TRPV2: variants seen among roughly 807,000 people sequenced by gnomAD.
The protein encoded by TRPV2 is transient receptor potential cation channel subfamily V member 2.
TRPV2 carries 58 observed loss-of-function variants against 91.0 expected under a neutral mutation model. The ratio of observed to expected loss-of-function variants is 0.64; its 90% CI spans 0.52 to 0.79. The LOEUF (loss-of-function observed/expected upper bound fraction) is 0.79, where lower values mean the gene tolerates loss of function less well. TRPV2 is among the 30% of genes least tolerant of loss of function. The probability of loss-of-function intolerance (pLI) is 0.00; values close to 1 mark genes in which losing one functional copy is unlikely to be tolerated. For missense variants in TRPV2, 807 were observed against 969.6 expected (o/e 0.83, Z 2.23); for synonymous variants, 417 against 414.8 (o/e 1.01, Z -0.06).
In TRPV2 at chr17:16,432,047, A is replaced by G. The variant is rs2093415488; in HGVS notation, c.1736A>G (p.Glu579Gly). 6.2e-7 allele frequency: 1 copy of G among 1,613,660 alleles called. No individual in the cohort carries two copies. The highest frequency in any genetic ancestry group is 1.3e-5 in the African/African-American group (1 of 75,020). ...GCCACAGAGTCAGTGCAGCCCATGG[A>G]GGGACAGGAGGACGAGGGCAACGGG... ...PNATESVQPM[E>G]GQEDEGNGAQ... Residue 579 changes from glutamate to glycine, a missense_variant, in exon 12 of 15, where the codon GAG becomes GGG. Coordinates refer to ENST00000338560, the MANE Select transcript of TRPV2 (RefSeq NM_016113.5).
chr17:16,426,047 G>A lies in TRPV2; in HGVS notation c.925-52G>A. 1 of 1,601,692 alleles carries A rather than the reference G, an allele frequency of 6.2e-7. No individual in the cohort carries two copies. The highest frequency in any genetic ancestry group is 8.5e-7 in the Non-Finnish European group (1 of 1,170,976). The stretch of plus-strand genomic sequence containing the variant: ...TGGGTGTTTCCCAGCCTTGGCCCAG[G>A]ATCAGTGCCAGGAAGGGACCATGAA... On this transcript the variant is annotated intron_variant, in intron 5 of 14. Transcript: ENST00000338560. The surrounding 1 kb of genome is among the most constrained non-coding windows in gnomAD (Gnocchi z 6.0).
chr17:16,428,983 G>A lies in TRPV2; in HGVS notation c.1587+1G>A. On this transcript the variant is annotated splice_donor_variant, in intron 10 of 14. Transcript: ENST00000338560. LOFTEE classifies it high-confidence loss of function. ...CATCTACAGTGTCATGATCCAGAAG[G>A]TGAGAGAAGGGGGTGGCCCACCGGG... is the stretch of plus-strand genomic sequence containing the variant. 6.2e-7 allele frequency: 1 copy of A among 1,614,044 alleles called. No homozygotes were observed. The highest frequency in any genetic ancestry group is 2.2e-5 in the East Asian group (1 of 44,874).
chr17:16,431,651 C>A, intron 10 of TRPV2, 133 bp from the exon 11 acceptor site: 1 of 765,982 alleles, frequency 1.3e-6, no homozygotes, highest in Non-Finnish European at 2.2e-6. Flanking sequence ...GCTCCACAGG[C>A]CCACATATGC....
chr17:16,428,480 A>C, intron 9 of TRPV2, 93 bp downstream of exon 9: 1 of 1,336,598 alleles, frequency 7.5e-7, no homozygotes, highest in Non-Finnish European at 1.1e-6. Flanking sequence ...TTTAGAGGCG[A>C]GGACACGGGG....
chr17:16,436,745 A>G, intron 14 of TRPV2, 44 bp from the exon 15 acceptor site: 1 of 1,415,300 alleles, frequency 7.1e-7, no homozygotes, highest in Non-Finnish European at 1.0e-6. Context: ...CTTCCTGGGG[A>G]CACACTCAAG....
Position 16,436,846 on chromosome 17 carries a change from C to T in TRPV2, c.2252C>T (p.Ser751Phe). 1.2e-6 allele frequency: 2 copies of T among 1,614,172 alleles called. No homozygotes were observed. The highest frequency in any genetic ancestry group is 1.7e-6 in the Non-Finnish European group (2 of 1,180,002). Reference sequence around the variant, plus strand: ...CCCAAGGAGGATGAGGATGGTGCCTCTGAGGAAAACTATGTGCCCGTCCAG... The same window carrying T: ...CCCAAGGAGGATGAGGATGGTGCCTTTGAGGAAAACTATGTGCCCGTCCAG... ...SPPKEDEDGA[S>F]EENYVPVQLL... The change falls in exon 15 of 15, where the codon TCT becomes TTT. Residue 751 changes from serine (S) to phenylalanine (F), a missense_variant. Physicochemically the swap from Ser to Phe is radical, Grantham distance 155. Transcript: ENST00000338560.
At chr17:16,419,386 A>T (rs2093345975) in intron 2 of TRPV2, 1 of 470,914 alleles carries the variant, frequency 2.1e-6, no homozygotes, top group African/African-American at 2.0e-5. Flanking sequence ...ATGTTTCAAC[A>T]TTGGGCCCAG....
Position 16,433,563 on chromosome 17 carries a change from T to C in TRPV2, c.1990-11T>C. The C allele has an allele frequency of 6.2e-7, 1 of 1,613,614 alleles. No individual in the cohort carries two copies. Among genetic ancestry groups the C allele is most frequent in the Non-Finnish European group, 8.5e-7 (1 of 1,179,798 alleles). On this transcript the variant is annotated splice_polypyrimidine_tract_variant and intron_variant, in intron 12 of 14. Transcript: ENST00000338560. ...CCAGGACGTTCTGTCTGATGCATCC[T>C]TTGTCCCCAGAAAGCCATCTCTGTC...
Position 16,435,139 on chromosome 17 carries a change from C to T in TRPV2, c.2194+170C>T, listed in dbSNP as rs2093429957. Among the ~76,000 whole-genome samples, 1 of 149,594 alleles carries T rather than the reference C, an allele frequency of 6.7e-6. No individual in the cohort carries two copies. Among genetic ancestry groups the T allele is most frequent in the Non-Finnish European group, 1.5e-5 (1 of 68,012 alleles). ...GATTGCCTCCTTAAAACAGTGGTTC[C>T]CTCCTTTCCTTTCCACCCACACCTT... On this transcript the variant is annotated intron_variant, in intron 14 of 14. Coordinates refer to ENST00000338560, the MANE Select transcript of TRPV2 (RefSeq NM_016113.5). The surrounding 1 kb of genome is among the most constrained non-coding windows in gnomAD (Gnocchi z 4.2).
chr17:16,431,008 T>G (rs552857063), intron 10 of TRPV2, among the ~76,000 whole-genome samples: 85 of 151,772 alleles, frequency 5.6e-4, no homozygotes, highest in Non-Finnish European at 2.1e-4. Context: ...CATACAGTAG[T>G]TCTATATTTT....
At chr17:16,421,702 A>G (rs2093358333) in intron 3 of TRPV2, among the ~76,000 whole-genome samples, 1 of 150,310 alleles carries the variant, frequency 6.7e-6, no homozygotes, top group Admixed American at 6.6e-5. Context: ...TTGTATTTTT[A>G]GTAAAGATGG....
chr17:16,418,818 C>T (rs1323769486), intron 2 of TRPV2, among the ~76,000 whole-genome samples: 1 of 152,124 alleles, frequency 6.6e-6, no homozygotes, highest in Non-Finnish European at 1.5e-5. Flanking sequence ...CCAGACTGTC[C>T]ACAGGGCTCC....
Position 16,427,558 on chromosome 17 carries a change from C to G in TRPV2, c.1350+11C>G, listed in dbSNP as rs2093389636. The G allele has an allele frequency of 6.2e-7, 1 of 1,602,918 alleles. No individual in the cohort carries two copies. The highest frequency in any genetic ancestry group is 1.7e-5 in the Admixed American group (1 of 58,118). ...CTCCTCGTGGGCCAGGTGAGTGCCC[C>G]TCCCCTTCTCCTACCAAGAAGCAAA... On this transcript the variant is annotated intron_variant, in intron 8 of 14. Coordinates refer to ENST00000338560, the MANE Select transcript of TRPV2 (RefSeq NM_016113.5).
At chr17:16,429,088 G>A in intron 10 of TRPV2, 106 bp downstream of exon 10, 3 of 1,258,106 alleles carry the variant, frequency 2.4e-6, no homozygotes, top group Non-Finnish European at 3.3e-6. Context: ...ACATCTGCCT[G>A]TGCGCCAGCA....
In TRPV2 at chr17:16,422,653, G is replaced by GGGTC; in HGVS notation, c.389_390insGGTC (p.Asn132SerfsTer29). On this transcript the variant is annotated frameshift_variant, in exon 4 of 15. Coordinates refer to ENST00000338560, the MANE Select transcript of TRPV2 (RefSeq NM_016113.5). LOFTEE classifies it high-confidence loss of function. ...AAGGCTGTGCTGAACCTTAAGGACG[G>GGGTC]AGTCAATGCCTGCATTCTGCCACTG... The GGGTC allele has an allele frequency of 6.2e-7, 1 of 1,614,174 alleles. No individual in the cohort carries two copies. The highest frequency in any genetic ancestry group is 8.5e-7 in the Non-Finnish European group (1 of 1,180,022).
chr17:16,431,514 G>A (rs2093412523), intron 10 of TRPV2, among the ~76,000 whole-genome samples: 1 of 151,662 alleles, frequency 6.6e-6, no homozygotes, highest in Admixed American at 6.6e-5. Context: ...GGCCAGGCTG[G>A]TCTTGAACTC....
At chr17:16,419,115 C>G (rs1046959795) in intron 2 of TRPV2, among the ~76,000 whole-genome samples, 1 of 152,082 alleles carries the variant, frequency 6.6e-6, no homozygotes, top group Admixed American at 6.5e-5. Flanking sequence ...AGACATTAAG[C>G]TGGGACCTGA....
Position 16,428,931 on chromosome 17 carries a change from C to T in TRPV2, c.1536C>T (p.Tyr512=). ...ALVLGWLNLL[Y]YTRGFQHTGI... is the part of the protein sequence containing the mutation. ...TGCTGGGCTGGCTGAACCTGCTTTACTATACACGTGGCTTCCAGCACACAG... is the reference window on the plus strand; with the variant it reads ...TGCTGGGCTGGCTGAACCTGCTTTATTATACACGTGGCTTCCAGCACACAG... Residue 512 remains tyrosine (Y), a synonymous_variant, in exon 10 of 15, where the codon TAC becomes TAT. Transcript: ENST00000338560. 1 of 1,614,190 alleles carries T rather than the reference C, an allele frequency of 6.2e-7. No homozygotes were observed. Among genetic ancestry groups the T allele is most frequent in the Non-Finnish European group, 8.5e-7 (1 of 1,180,048 alleles).
chr17:16,422,172 A>G (rs1384797503), intron 3 of TRPV2, among the ~76,000 whole-genome samples: 1 of 151,750 alleles, frequency 6.6e-6, no homozygotes, highest in Non-Finnish European at 1.5e-5. Context: ...CAACAAAAAA[A>G]ATTAGCCGGG....
Sources: allele counts gnomAD v4.1 joint callset (sites outside exome capture counted in the v4.1 genomes callset), GRCh38; gene constraint gnomAD v4.1.1; non-coding constraint Gnocchi (gnomAD v3.1); transcripts MANE v1.5; gene names NCBI Gene and HGNC (gene_info 2026-07-23, HGNC 2026-07-21).